Variants in DMXL1 observed in about 807,000 individuals in gnomAD.
DMXL1 encodes dmX-like protein 1.
A neutral mutation model predicts 319.2 loss-of-function variants in DMXL1; 99 were observed. The observed-to-expected ratio is 0.31, with a 90% CI of 0.26 to 0.37. The LOEUF (loss-of-function observed/expected upper bound fraction) is 0.37, where lower values mean the gene tolerates loss of function less well. DMXL1 is among the 10% of genes least tolerant of loss of function. The pLI is 1.00. For missense variants in DMXL1, 3,745 were observed against 3,595.6 expected, an observed-to-expected ratio of 1.04 and a Z score of -1.06; for synonymous variants, 1,385 against 1,235.2, an observed-to-expected ratio of 1.12 and a Z score of -2.54.
rs147460787 is a variant in DMXL1 at position 119,126,112 on chromosome 5, C to T, written c.1103-3099C>T. On this transcript the variant is annotated intron_variant, in intron 9 of 43. Transcript: ENST00000539542. ...CAGCCTGGCCAACATGGTGAAACCCCGTCTCTGCTAAAAATACAAAATTAG... is the reference window on the plus strand; with the variant it reads ...CAGCCTGGCCAACATGGTGAAACCCTGTCTCTGCTAAAAATACAAAATTAG... Among the ~76,000 whole-genome samples, 107 of 152,072 alleles carry T rather than the reference C, an allele frequency of 7.0e-4. No individual in the cohort carries two copies. The East Asian group carries it at 0.017, about 24-fold the overall frequency.
At chr5:119,187,341 A>C (rs1419822795) in intron 28 of DMXL1, among the ~76,000 whole-genome samples, 1 of 152,220 alleles carries the variant, frequency 6.6e-6, no homozygotes, top group African/African-American at 2.4e-5. Context: ...AAGGAATGGC[A>C]AACGTTCTTG....
At position 119,166,670 on chromosome 5, in the gene DMXL1, G is replaced by C; in HGVS notation, c.5025G>C (p.Glu1675Asp). 6.2e-7 allele frequency: 1 copy of C among 1,612,602 alleles called. No homozygotes were observed. Among genetic ancestry groups the C allele is most frequent in the African/African-American group, 1.3e-5 (1 of 74,938 alleles). ...TQFFGHNFED[E>D]RWRKAALKNA... ...TTTTTGGACACAATTTTGAGGATGA[G>C]AGGTGGCGTAAAGCAGCTTTAAAGA... is the stretch of plus-strand genomic sequence containing the variant. The change falls in exon 22 of 44, where the codon GAG (glutamate) becomes GAC (aspartate). Residue 1675 changes from glutamate (E) to aspartate (D), a missense_variant. This residue lies in a region of DMXL1 where 2,096 missense variants were observed against 1,985.4 expected (regional missense o/e 1.06). Transcript: ENST00000539542.
intron 4 of DMXL1, among the ~76,000 whole-genome samples, chr5:119,109,556 A>T (rs77313603): frequency 0.031 from 4,647 of 152,242 alleles, 226 homozygotes; most frequent in African/African-American, 0.11. Flanking sequence ...TTTCTAGCCT[A>T]TCTGTGTACG....
chr5:119,120,184 C>A (rs904722167), intron 8 of DMXL1, among the ~76,000 whole-genome samples: 2 of 152,208 alleles, frequency 1.3e-5, no homozygotes, highest in African/African-American at 4.8e-5. Flanking sequence ...CAGGCGTGAG[C>A]CACCATGCCC....
intron 19 of DMXL1, among the ~76,000 whole-genome samples, chr5:119,163,188 TATTTA>T (rs1257936471): frequency 5.3e-5 from 8 of 152,184 alleles, no homozygotes; most frequent in Non-Finnish European, 8.8e-5. Context: ...ATAACTATAT[TATTTA>T]ATTATCAAAA....
In DMXL1 at chr5:119,150,063, T is replaced by G. The variant is rs1015548793; in HGVS notation, c.4236T>G (p.Leu1412=). 3.7e-6 allele frequency: 6 copies of G among 1,613,784 alleles called. No individual in the cohort carries two copies. The African/African-American group carries it at 8.0e-5, about 22-fold the overall frequency. ...SVPPLPLYAL[L]AADDDSCYSS... ...CTCCACTTCCTTTATATGCCTTACT[T>G]GCAGCAGATGATGATAGCTGTTACT... The change falls in exon 18 of 44, where the codon CTT becomes CTG. Residue 1412 remains leucine (L), a synonymous_variant. Transcript: ENST00000539542.
At chr5:119,236,737 G>A (rs1285783948) in intron 39 of DMXL1, 1 of 151,858 alleles carries the variant, frequency 6.6e-6, no homozygotes, top group Non-Finnish European at 1.5e-5. Context: ...TTTATAATAA[G>A]CTGCGTTATT....
At chr5:119,128,612 G>T (rs1160759325) in intron 9 of DMXL1, among the ~76,000 whole-genome samples, 2 of 152,190 alleles carry the variant, frequency 1.3e-5, no homozygotes, top group African/African-American at 4.8e-5. Context: ...TTGGGTGATA[G>T]TGATGTGTCA....
chr5:119,150,027 A>G lies in DMXL1; in HGVS notation c.4200A>G (p.Ile1400Met). ...CTGAAAATACAGATTACACAGAAAT[A>G]GATTCTGTTCCTCCACTTCCTTTAT... ...NKAENTDYTE[I>M]DSVPPLPLYA... The change falls in exon 18 of 44, where the codon ATA becomes ATG. Residue 1400 changes from isoleucine (I) to methionine (M), a missense_variant. Transcript: ENST00000539542. 1 of 1,613,912 alleles carries G rather than the reference A, an allele frequency of 6.2e-7. No homozygotes were observed. The highest frequency in any genetic ancestry group is 8.5e-7 in the Non-Finnish European group (1 of 1,179,838).
In DMXL1 at chr5:119,159,685, C is replaced by T. The variant is rs561273522; in HGVS notation, c.4703-4822C>T. ...TGTCGCCCAGGCTGGAGTGCCGTGG[C>T]GCCTCGCAGCTCACTGCGACCTGTG... On this transcript the variant is annotated intron_variant, in intron 19 of 43. Transcript: ENST00000539542. Among the ~76,000 whole-genome samples the T allele has an allele frequency of 1.3e-3, 193 of 152,296 alleles. 2 individuals carry two copies. Among genetic ancestry groups the T allele is most frequent in the African/African-American group, 1.8e-3 (74 of 41,574 alleles).
At chr5:119,238,270 G>A (rs1323119306) in intron 40 of DMXL1, among the ~76,000 whole-genome samples, 1 of 151,930 alleles carries the variant, frequency 6.6e-6, no homozygotes, top group African/African-American at 2.4e-5. Flanking sequence ...AGTGTTCCAG[G>A]GGAAATGGGG....
chr5:119,090,247 C>A (rs1039216164), intron 1 of DMXL1, among the ~76,000 whole-genome samples: 1 of 151,226 alleles, frequency 6.6e-6, no homozygotes, highest in South Asian at 2.1e-4. Flanking sequence ...TCTGGAACTC[C>A]GGACCTCAGG....
At chr5:119,188,243 T>C (rs1404896286) in intron 28 of DMXL1, among the ~76,000 whole-genome samples, 2 of 152,192 alleles carry the variant, frequency 1.3e-5, no homozygotes, top group Non-Finnish European at 1.5e-5. Flanking sequence ...AGATTGTCTA[T>C]ACTTCTTGGT....
chr5:119,150,541 C>CCTCCCAAAGAGCTGAAT, intron 18 of DMXL1, 120 bp downstream of exon 18: 1 of 1,144,152 alleles, frequency 8.7e-7, no homozygotes, highest in Non-Finnish European at 1.2e-6. Flanking sequence ...GTAAATTCAG[C>CCTCCCAAAGAGCTGAAT]TCTTTGGGAG....
At chr5:119,108,512 T>A (rs1758848716) in intron 4 of DMXL1, among the ~76,000 whole-genome samples, 1 of 152,076 alleles carries the variant, frequency 6.6e-6, no homozygotes, top group African/African-American at 2.4e-5. Context: ...CAGCCTTGAC[T>A]CCCCAGGCTT....
intron 19 of DMXL1, among the ~76,000 whole-genome samples, chr5:119,162,480 T>C (rs983320673): frequency 6.6e-6 from 1 of 152,194 alleles, no homozygotes; most frequent in Non-Finnish European, 1.5e-5. Context: ...TGCTCCATAG[T>C]TGACACCTTC....
intron 5 of DMXL1, 88 bp downstream of exon 5, chr5:119,110,371 C>G (rs1759300852): frequency 8.2e-7 from 1 of 1,218,718 alleles, no homozygotes; most frequent in Non-Finnish European, 1.1e-6. Flanking sequence ...TAAAACCACA[C>G]TGACATAAAA....
intron 13 of DMXL1, among the ~76,000 whole-genome samples, chr5:119,140,760 G>A (rs1767129320): frequency 6.6e-6 from 1 of 152,020 alleles, no homozygotes; most frequent in Non-Finnish European, 1.5e-5. Context: ...ATTTTTTGAG[G>A]CCAGCATTAT....
intron 8 of DMXL1, among the ~76,000 whole-genome samples, chr5:119,119,599 G>T (rs1387188632): frequency 6.7e-6 from 1 of 149,656 alleles, no homozygotes; most frequent in Non-Finnish European, 1.5e-5. Flanking sequence ...GCAGTGGCAT[G>T]ATCTTGGCTC....
Sources: gnomAD v4.1 joint callset for allele counts (sites outside exome capture counted in the v4.1 genomes callset) on GRCh38, gnomAD v4.1.1 for gene constraint, gnomAD v4.1.1 regional missense constraint, MANE v1.5 for transcripts, NCBI Gene and HGNC (gene_info 2026-07-23, HGNC 2026-07-21) for gene names.